The following SCNN1B variants were observed in gnomAD, a reference collection of about 807,000 sequenced individuals.
SCNN1B encodes sodium channel epithelial 1 subunit beta, also known as epithelial sodium channel subunit beta.
SCNN1B carries 46 observed loss-of-function variants against 65.3 expected under a neutral mutation model. That is an observed-to-expected ratio of 0.70 (90% CI 0.56 to 0.90). The LOEUF (loss-of-function observed/expected upper bound fraction) is 0.90. Among genes scored for constraint, SCNN1B ranks in the 40% least tolerant of loss-of-function variants. The pLI, the probability that SCNN1B is intolerant of heterozygous loss-of-function variation, is 0.00. For synonymous variants in SCNN1B, 349 were observed against 330.6 expected (o/e 1.06, Z -0.60); for missense variants, 751 against 830.5 (o/e 0.90, Z 1.18).
intron 8 of SCNN1B, 109 bp downstream of exon 8, chr16:23,375,964 C>T: frequency 2.5e-6 from 2 of 786,880 alleles, no homozygotes; most frequent in Admixed American, 1.9e-5. Flanking sequence ...CAGAGATGTG[C>T]CCAGGGTGGC....
At chr16:23,300,846 A>T (rs369187196), upstream of SCNN1B, among the ~76,000 whole-genome samples, 12 of 152,090 alleles carry the variant, frequency 7.9e-5, 1 homozygote, top group East Asian at 7.7e-4. Flanking sequence ...AAAAGAAAAA[A>T]ATTGTAAAAA....
At chr16:23,324,250 C>G (rs1040202306) in intron 1 of SCNN1B, among the ~76,000 whole-genome samples, 1 of 150,384 alleles carries the variant, frequency 6.6e-6, no homozygotes, top group Non-Finnish European at 1.5e-5. Context: ...TGCAGCGGTA[C>G]AGTCATAGAT....
intron 5 of SCNN1B, among the ~76,000 whole-genome samples, chr16:23,369,856 T>A (rs1962747193): frequency 1.3e-5 from 2 of 152,320 alleles, no homozygotes; most frequent in Admixed American, 1.3e-4. Context: ...TGTGCCTCAG[T>A]TTCTCCATCT....
chr16:23,326,951 C>A (rs1347049753), intron 1 of SCNN1B, among the ~76,000 whole-genome samples: 1 of 152,072 alleles, frequency 6.6e-6, no homozygotes, highest in Non-Finnish European at 1.5e-5. Context: ...TCTTTTATTG[C>A]TATTGCCCAG....
chr16:23,333,560 T>C (rs1375656468), intron 1 of SCNN1B, among the ~76,000 whole-genome samples: 1 of 152,244 alleles, frequency 6.6e-6, no homozygotes, highest in African/African-American at 2.4e-5. Context: ...AGCTGCCATT[T>C]ATGAACACTT....
intron 3 of SCNN1B, chr16:23,353,299 G>A: frequency 1.7e-6 from 1 of 589,402 alleles, no homozygotes; most frequent in Non-Finnish European, 3.0e-6. Flanking sequence ...AGCAAAACAG[G>A]CGATTCATTG....
chr16:23,301,717 ATC>A (rs1231117394), upstream of SCNN1B, among the ~76,000 whole-genome samples: 1 of 152,120 alleles, frequency 6.6e-6, no homozygotes, highest in Non-Finnish European at 1.5e-5. Context: ...AGAGTTCCCA[ATC>A]TCGGGGTGGG....
At chr16:23,346,414 G>A (rs1046397534) in intron 1 of SCNN1B, among the ~76,000 whole-genome samples, 5 of 151,336 alleles carry the variant, frequency 3.3e-5, no homozygotes, top group African/African-American at 1.2e-4. Context: ...TAGAGACAGG[G>A]TTTCACTATG....
intron 1 of SCNN1B, among the ~76,000 whole-genome samples, chr16:23,321,725 C>T (rs1310240701): frequency 1.3e-5 from 2 of 152,076 alleles, no homozygotes; most frequent in Non-Finnish European, 2.9e-5. Flanking sequence ...CTATCATCAG[C>T]GTAATAATAG....
In SCNN1B at chr16:23,380,744, C is replaced by T; in HGVS notation, c.1866C>T (p.Ser622=). Reference sequence around the variant, plus strand: ...GCACCCCGCCCCCCAACTATGACTCCCTGCGTCTGCAGCCGCTGGACGTCA... The same window carrying T: ...GCACCCCGCCCCCCAACTATGACTCTCTGCGTCTGCAGCCGCTGGACGTCA... ...IPGTPPPNYD[S]LRLQPLDVIE... Residue 622 remains serine (S), a synonymous_variant, in exon 13 of 13, where the codon TCC becomes TCT. Coordinates refer to ENST00000343070, the MANE Select transcript of SCNN1B (RefSeq NM_000336.3). This position sits in a 1 kb window ranked among gnomAD's most constrained non-coding sequence, Gnocchi z 5.4. The T allele has an allele frequency of 6.2e-7, 1 of 1,612,724 alleles. No individual in the cohort carries two copies.
chr16:23,326,577 G>A (rs184969871), intron 1 of SCNN1B, among the ~76,000 whole-genome samples: 49 of 152,132 alleles, frequency 3.2e-4, no homozygotes, highest in African/African-American at 1.1e-3. Flanking sequence ...CAATTCTCCT[G>A]CCTTAGCCTC....
At chr16:23,360,201 A>AAAATAAAAAAATAAATAAATAAATAAAT in intron 4 of SCNN1B, among the ~76,000 whole-genome samples, 1 of 132,854 alleles carries the variant, frequency 7.5e-6, no homozygotes, top group South Asian at 2.8e-4. Flanking sequence ...CCATCTCAAA[A>AAAATAAAAAAATAAATAAATAAATAAAT]AAATAAATAA....
chr16:23,324,110 TG>T (rs1334156669), intron 1 of SCNN1B, among the ~76,000 whole-genome samples: 1 of 151,944 alleles, frequency 6.6e-6, no homozygotes, highest in African/African-American at 2.4e-5. Context: ...GATGCGATTT[TG>T]CCAAGATCAC....
At chr16:23,352,018 T>C (rs1204465392) in intron 2 of SCNN1B, among the ~76,000 whole-genome samples, 1 of 152,190 alleles carries the variant, frequency 6.6e-6, no homozygotes. Flanking sequence ...CTGAGCTATA[T>C]ATGGGGACGG....
In SCNN1B at chr16:23,377,259, G is replaced by C. The variant is rs180816859; in HGVS notation, c.1346+19G>C. On this transcript the variant is annotated intron_variant, in intron 9 of 12. Transcript: ENST00000343070. ...CCTGCAAGTGAGTGCGGGTGGGCGG[G>C]CACAGCAGCGGGCAGGCATGGAGGG... 2 of 1,614,116 alleles carry C rather than the reference G, an allele frequency of 1.2e-6. No homozygotes were observed. The highest frequency in any genetic ancestry group is 1.7e-6 in the Non-Finnish European group (2 of 1,179,966).
chr16:23,351,861 A>C (rs1385168772), intron 2 of SCNN1B, among the ~76,000 whole-genome samples: 1 of 151,408 alleles, frequency 6.6e-6, no homozygotes, highest in Non-Finnish European at 1.5e-5. Context: ...TCCTGTTCCC[A>C]AAGTTGCTCC....
intron 1 of SCNN1B, among the ~76,000 whole-genome samples, chr16:23,317,411 G>A (rs1040120542): frequency 7.2e-5 from 11 of 152,204 alleles, no homozygotes; most frequent in African/African-American, 2.7e-4. Context: ...GCGTGAGAAC[G>A]GGCACTGGAG....
chr16:23,293,779 C>T (rs1960959356), intron 2 of SCNN1B, among the ~76,000 whole-genome samples: 2 of 151,986 alleles, frequency 1.3e-5, no homozygotes, highest in South Asian at 2.1e-4. Flanking sequence ...AAAAATTAGC[C>T]TGGCATGGTG....
chr16:23,353,128 T>C (rs1596864620), intron 3 of SCNN1B, 54 bp downstream of exon 3: 1 of 1,582,788 alleles, frequency 6.3e-7, no homozygotes, highest in African/African-American at 1.3e-5. Context: ...GTGAGGCTGA[T>C]GGGTGTTTCT....
Sources: allele counts gnomAD v4.1 joint callset (sites outside exome capture counted in the v4.1 genomes callset), GRCh38; gene constraint gnomAD v4.1.1; non-coding constraint Gnocchi (gnomAD v3.1); transcripts MANE v1.5; gene names NCBI Gene and HGNC (gene_info 2026-07-23, HGNC 2026-07-21).